Variants in KHDRBS2 observed in about 807,000 individuals in gnomAD.
KHDRBS2 encodes the protein KH domain-containing, RNA-binding, signal transduction-associated protein 2.
In KHDRBS2, 26 loss-of-function variants were observed where a neutral mutation model predicts 44.3. The observed-to-expected ratio is 0.59, with a 90% CI of 0.43 to 0.81. The LOEUF (loss-of-function observed/expected upper bound fraction) is 0.81. KHDRBS2 is among the 40% of genes least tolerant of loss of function. The probability of loss-of-function intolerance (pLI) is 0.00; values close to 1 mark genes in which losing one functional copy is unlikely to be tolerated. For missense variants in KHDRBS2, 476 were observed against 433.1 expected (o/e 1.10, Z -0.88); for synonymous variants, 194 against 151.1 (o/e 1.28, Z -2.08).
At chr6:62,281,113 A>G (rs1414526978) in intron 1 of KHDRBS2, among the ~76,000 whole-genome samples, 1 of 152,180 alleles carries the variant, frequency 6.6e-6, no homozygotes, top group Admixed American at 6.5e-5. Flanking sequence ...ATGGTTAAAG[A>G]CTGACAAGTG....
chr6:62,013,681 A>G (rs949943538), intron 3 of KHDRBS2, among the ~76,000 whole-genome samples: 1 of 152,172 alleles, frequency 6.6e-6, no homozygotes. Flanking sequence ...TGGAAACGCT[A>G]TGTTAGCCAT....
intron 2 of KHDRBS2, among the ~76,000 whole-genome samples, chr6:62,074,387 T>A (rs1795914864): frequency 1.3e-5 from 2 of 151,864 alleles, no homozygotes; most frequent in African/African-American, 4.8e-5. Flanking sequence ...TATGCAAATG[T>A]TAAAATTTAA....
intron 2 of KHDRBS2, among the ~76,000 whole-genome samples, chr6:62,176,232 G>C (rs895897051): frequency 1.2e-4 from 18 of 151,434 alleles, no homozygotes; most frequent in African/African-American, 4.3e-4. Context: ...ATATACCTAT[G>C]TAACACAGCT....
Position 61,732,710 on chromosome 6 carries a change from C to G in KHDRBS2, c.865G>C (p.Asp289His). Residue 289 changes from aspartate (D) to histidine (H), a missense_variant, in exon 7 of 9, where the codon GAT becomes CAT. By Grantham distance (81) the Asp-to-His change is moderately conservative. Coordinates refer to ENST00000281156, the MANE Select transcript of KHDRBS2 (RefSeq NM_152688.4). ...TGTGTTTGGGTCGCATAGCTGTTAT[C>G]ATAAGTCTCATAGGTCTGGTCATCA... ...EYDDQTYETYDNSYATQTQSV... is the reference protein window; with the variant it reads ...EYDDQTYETYHNSYATQTQSV... The G allele has an allele frequency of 6.2e-7, 1 of 1,611,242 alleles. No homozygotes were observed. The highest frequency in any genetic ancestry group is 8.5e-7 in the Non-Finnish European group (1 of 1,177,960).
intron 6 of KHDRBS2, among the ~76,000 whole-genome samples, chr6:61,752,166 G>A (rs2127569094): frequency 6.6e-6 from 1 of 152,288 alleles, no homozygotes; most frequent in Middle Eastern, 3.4e-3. Flanking sequence ...GTAAATCACA[G>A]GAAGGGGTGG....
chr6:61,625,636 A>G, the KHDRBS2 span, among the ~76,000 whole-genome samples: 3 of 151,990 alleles, frequency 2.0e-5, no homozygotes, highest in African/African-American at 7.2e-5. Flanking sequence ...TGTACTGTTC[A>G]CCCTACCCAA....
the KHDRBS2 span, among the ~76,000 whole-genome samples, chr6:61,582,183 A>G: frequency 1.3e-5 from 2 of 151,862 alleles, no homozygotes; most frequent in Non-Finnish European, 3.0e-5. Context: ...TTTAACTTAA[A>G]TAATTAGACA....
intron 3 of KHDRBS2, among the ~76,000 whole-genome samples, chr6:62,037,226 A>C (rs1333543943): frequency 6.6e-6 from 1 of 151,908 alleles, no homozygotes; most frequent in Non-Finnish European, 1.5e-5. Context: ...TTAACTCAGC[A>C]AAGGTAGGAT....
intron 3 of KHDRBS2, among the ~76,000 whole-genome samples, chr6:62,032,540 A>C (rs9354539): frequency 6.7e-6 from 1 of 149,294 alleles, no homozygotes; most frequent in East Asian, 2.0e-4. Context: ...ATATATATAC[A>C]TATATATTAT....
At chr6:62,124,174 C>T (rs1326506670) in intron 2 of KHDRBS2, among the ~76,000 whole-genome samples, 1 of 152,170 alleles carries the variant, frequency 6.6e-6, no homozygotes. Context: ...CCTACTCTTG[C>T]CTGAGAGTGA....
chr6:61,623,321 TA>T, the KHDRBS2 span, among the ~76,000 whole-genome samples: 2 of 152,186 alleles, frequency 1.3e-5, no homozygotes, highest in African/African-American at 2.4e-5. Flanking sequence ...TGGCAAATCC[TA>T]CAGTGTTGGA....
intron 3 of KHDRBS2, among the ~76,000 whole-genome samples, chr6:62,032,706 T>C (rs781071740): frequency 1.3e-5 from 2 of 151,882 alleles, no homozygotes; most frequent in Non-Finnish European, 2.9e-5. Context: ...AAAATCCAAG[T>C]CTTTTCAAAT....
chr6:61,835,025 A>G (rs532359602), intron 6 of KHDRBS2, among the ~76,000 whole-genome samples: 3 of 152,186 alleles, frequency 2.0e-5, no homozygotes, highest in Non-Finnish European at 2.9e-5. Flanking sequence ...AGGGTTTTCA[A>G]CTGGATATTT....
intron 6 of KHDRBS2, among the ~76,000 whole-genome samples, chr6:61,755,061 T>A (rs2127570237): frequency 6.6e-6 from 1 of 152,280 alleles, no homozygotes; most frequent in Admixed American, 6.5e-5. Context: ...TTCAAGGGAT[T>A]TTGCAAAGGT....
At chr6:61,567,210 A>G in the KHDRBS2 span, among the ~76,000 whole-genome samples, 1 of 152,184 alleles carries the variant, frequency 6.6e-6, no homozygotes, top group African/African-American at 2.4e-5. Context: ...TGGAAGATTT[A>G]TATCTCAAAG....
intron 1 of KHDRBS2, among the ~76,000 whole-genome samples, chr6:62,267,446 C>T (rs1359055242): frequency 2.0e-5 from 3 of 152,084 alleles, no homozygotes; most frequent in African/African-American, 7.2e-5. Flanking sequence ...TGGCTGCAGC[C>T]AGGTGAACAA....
the KHDRBS2 span, among the ~76,000 whole-genome samples, chr6:61,655,170 G>A: frequency 6.6e-6 from 1 of 151,320 alleles, no homozygotes; most frequent in Non-Finnish European, 1.5e-5. Flanking sequence ...CTGTGGAATA[G>A]GAAGGTCTGT....
At chr6:62,183,867 A>AT (rs1160664808) in intron 1 of KHDRBS2, among the ~76,000 whole-genome samples, 1 of 151,606 alleles carries the variant, frequency 6.6e-6, no homozygotes, top group Non-Finnish European at 1.5e-5. Flanking sequence ...CTTTACGAAT[A>AT]TTTTTGGAAG....
intron 3 of KHDRBS2, among the ~76,000 whole-genome samples, chr6:61,997,815 G>C (rs555464723): frequency 1.3e-5 from 2 of 152,212 alleles, no homozygotes; most frequent in East Asian, 3.9e-4. Context: ...ATGACATTCT[G>C]TTGCCATTCT....
Sources: gnomAD v4.1 joint callset for allele counts (sites outside exome capture counted in the v4.1 genomes callset) on GRCh38, gnomAD v4.1.1 for gene constraint, MANE v1.5 for transcripts, NCBI Gene and HGNC (gene_info 2026-07-23, HGNC 2026-07-21) for gene names.